PTPRD: variants seen among roughly 807,000 people sequenced by gnomAD.
PTPRD encodes the protein protein tyrosine phosphatase receptor type D, also known as receptor-type tyrosine-protein phosphatase delta.
Under a neutral mutation model 214.5 loss-of-function variants are expected in PTPRD, and 34 were observed. The ratio of observed to expected loss-of-function variants is 0.16; its 90% confidence interval spans 0.12 to 0.21. The LOEUF is 0.21. Ranked by LOEUF, PTPRD falls within the 10% of genes least tolerant of loss-of-function variation. The pLI, the probability that PTPRD is intolerant of heterozygous loss-of-function variation, is 1.00. For missense variants in PTPRD, 2,545 were observed against 2,398.7 expected (o/e 1.06, Z -1.27); for synonymous variants, 1,128 against 845.7 (o/e 1.33, Z -5.79).
chr9:9,851,488 G>A (rs1348556280), intron 5 of PTPRD, among the ~76,000 whole-genome samples: 1 of 152,010 alleles, frequency 6.6e-6, no homozygotes, highest in Non-Finnish European at 1.5e-5. Flanking sequence ...AGTACTGCAG[G>A]GCCTAAAGAT....
At chr9:9,953,582 C>T (rs1018334558) in intron 4 of PTPRD, among the ~76,000 whole-genome samples, 1 of 151,894 alleles carries the variant, frequency 6.6e-6, no homozygotes, top group African/African-American at 2.4e-5. Flanking sequence ...CAATGATAAG[C>T]TACCATAACA....
At chr9:10,241,756 T>C (rs1003100165) in intron 3 of PTPRD, among the ~76,000 whole-genome samples, 1 of 151,940 alleles carries the variant, frequency 6.6e-6, no homozygotes, top group African/African-American at 2.4e-5. Flanking sequence ...CTGTTTATTA[T>C]TTTCATGTGG....
chr9:8,479,820 G>A (rs979484327), intron 30 of PTPRD, among the ~76,000 whole-genome samples: 4 of 152,012 alleles, frequency 2.6e-5, no homozygotes, highest in East Asian at 1.9e-4. Flanking sequence ...TTCCTGAAGA[G>A]ACATGCATGT....
chr9:8,733,497 CATA>C, intron 12 of PTPRD, among the ~76,000 whole-genome samples: 1 of 152,032 alleles, frequency 6.6e-6, no homozygotes, highest in African/African-American at 2.4e-5. Flanking sequence ...TCCTTGGTCT[CATA>C]ATATCTTTGC....
intron 3 of PTPRD, among the ~76,000 whole-genome samples, chr9:10,059,425 A>T (rs1204848394): frequency 6.6e-6 from 1 of 152,080 alleles, no homozygotes; most frequent in Admixed American, 6.6e-5. Flanking sequence ...TTTACAAGGC[A>T]GTTGCTGGTA....
chr9:10,082,385 C>T (rs1418139424), intron 3 of PTPRD, among the ~76,000 whole-genome samples: 1 of 152,082 alleles, frequency 6.6e-6, no homozygotes, highest in Non-Finnish European at 1.5e-5. Flanking sequence ...AATCATCCTA[C>T]ATAAGAGTTG....
At chr9:8,654,668 A>C (rs551783661) in intron 12 of PTPRD, among the ~76,000 whole-genome samples, 15 of 152,298 alleles carry the variant, frequency 9.8e-5, no homozygotes, top group African/African-American at 3.4e-4. Flanking sequence ...ATGTATTTTC[A>C]ATTTTTCATA....
At chr9:10,191,733 C>G (rs1300134279) in intron 3 of PTPRD, among the ~76,000 whole-genome samples, 1 of 152,170 alleles carries the variant, frequency 6.6e-6, no homozygotes, top group African/African-American at 2.4e-5. Flanking sequence ...CCCAGGCTCT[C>G]AGTGACTTCC....
chr9:8,565,668 G>C (rs2088720681), intron 14 of PTPRD, among the ~76,000 whole-genome samples: 1 of 152,018 alleles, frequency 6.6e-6, no homozygotes, highest in Non-Finnish European at 1.5e-5. Flanking sequence ...AAGGAAAAAA[G>C]AAAAAATACA....
chr9:9,691,320 A>C (rs1210993256), intron 7 of PTPRD, among the ~76,000 whole-genome samples: 1 of 151,872 alleles, frequency 6.6e-6, no homozygotes, highest in East Asian at 1.9e-4. Flanking sequence ...AACCATCCTT[A>C]TATTCTGTTT....
At chr9:9,164,859 A>G (rs1592733517) in intron 10 of PTPRD, among the ~76,000 whole-genome samples, 1 of 147,624 alleles carries the variant, frequency 6.8e-6, no homozygotes, top group East Asian at 2.0e-4. Context: ...CTAAAACAAA[A>G]CAAAACAAAA....
At chr9:10,453,661 T>A (rs2098871251) in intron 2 of PTPRD, among the ~76,000 whole-genome samples, 1 of 151,842 alleles carries the variant, frequency 6.6e-6, no homozygotes, top group South Asian at 2.1e-4. Flanking sequence ...ATCCTGCAAC[T>A]TTACTGAATT....
At chr9:10,049,407 AAAAGAAAGAAAGAAAG>A (rs1165910757) in intron 3 of PTPRD, among the ~76,000 whole-genome samples, 3 of 115,696 alleles carry the variant, frequency 2.6e-5, no homozygotes, top group East Asian at 5.0e-4. Context: ...TTAAAAAAAA[AAAAGAAAGAAAGAAAG>A]AAAGAAAGAA....
chr9:8,677,782 T>C (rs1208089922), intron 12 of PTPRD, among the ~76,000 whole-genome samples: 3 of 152,196 alleles, frequency 2.0e-5, no homozygotes, highest in Admixed American at 6.5e-5. Context: ...CAATCTGTAG[T>C]ACTCCCTAAA....
intron 9 of PTPRD, among the ~76,000 whole-genome samples, chr9:9,257,698 T>G (rs1041916524): frequency 6.6e-6 from 1 of 151,762 alleles, no homozygotes; most frequent in South Asian, 2.1e-4. Flanking sequence ...GTGGGAGGAT[T>G]GGTTAAGCCC....
At chr9:10,590,704 C>A (rs1591579208) in intron 2 of PTPRD, among the ~76,000 whole-genome samples, 2 of 151,668 alleles carry the variant, frequency 1.3e-5, no homozygotes, top group South Asian at 4.2e-4. Flanking sequence ...ATTGCTTATT[C>A]ATTCTCCATC....
At chr9:9,871,068 A>G (rs965752766) in intron 5 of PTPRD, among the ~76,000 whole-genome samples, 1 of 152,186 alleles carries the variant, frequency 6.6e-6, no homozygotes, top group African/African-American at 2.4e-5. Context: ...ATATGAATTT[A>G]CATTCTCTCT....
chr9:10,518,524 G>C lies in PTPRD; in HGVS notation c.-600+93874C>G, dbSNP rs767639834. Among the ~76,000 whole-genome samples the C allele has an allele frequency of 4.6e-5, 7 of 151,968 alleles. 1 individual carries two copies. In the Middle Eastern group the frequency reaches 0.01, roughly 222 times the overall value. On this transcript the variant is annotated intron_variant, in intron 2 of 45. Coordinates refer to ENST00000381196, the MANE Select transcript of PTPRD (RefSeq NM_002839.4). ...TGGTCAAGGTTAAAATTTATGTTAA[G>C]ATCATTTACAATTTTTTTTTTTTTT...
intron 4 of PTPRD, among the ~76,000 whole-genome samples, chr9:10,015,034 C>T (rs1204840287): frequency 6.6e-6 from 1 of 151,966 alleles, no homozygotes; most frequent in African/African-American, 2.4e-5. Flanking sequence ...ATGGGTAATC[C>T]ACTTGAAGTA....
Sources: allele counts gnomAD v4.1 joint callset (sites outside exome capture counted in the v4.1 genomes callset), GRCh38; gene constraint gnomAD v4.1.1; transcripts MANE v1.5; gene names NCBI Gene and HGNC (gene_info 2026-07-23, HGNC 2026-07-21).